ST7L: variants seen among roughly 807,000 people sequenced by gnomAD.
ST7L encodes the protein suppressor of tumorigenicity 7 protein-like.
ST7L carries 57 observed loss-of-function variants against 72.5 expected under a neutral mutation model. The ratio of observed to expected loss-of-function variants is 0.79; its 90% CI spans 0.64 to 0.98. The LOEUF is 0.98. Among genes scored for constraint, ST7L ranks in the 50% least tolerant of loss-of-function variants. The pLI, the probability that ST7L is intolerant of heterozygous loss-of-function variation, is 0.00. For missense variants in ST7L, 576 were observed against 672.2 expected, an observed-to-expected ratio of 0.86 and a Z score of 1.58; for synonymous variants, 221 against 240.9, an observed-to-expected ratio of 0.92 and a Z score of 0.77.
At chr1:112,541,055 C>A (rs761830150) in intron 14 of ST7L, among the ~76,000 whole-genome samples, 3 of 152,074 alleles carry the variant, frequency 2.0e-5, no homozygotes, top group Non-Finnish European at 4.4e-5. Flanking sequence ...GAGGCTGAGG[C>A]GGGCAGATCA....
downstream of ST7L, chr1:112,520,205 T>C (rs559194747): frequency 7.1e-7 from 1 of 1,411,352 alleles, no homozygotes; most frequent in South Asian, 1.2e-5. Flanking sequence ...ATCTTCCTTC[T>C]GAGAATGTGG....
chr1:112,612,703 A>G (rs1669262667), intron 2 of ST7L, among the ~76,000 whole-genome samples: 1 of 152,094 alleles, frequency 6.6e-6, no homozygotes, highest in Non-Finnish European at 1.5e-5. Context: ...ATTACCACCA[A>G]ATGAGGCCAT....
At chr1:112,520,974 CT>C (rs1652839171), downstream of ST7L, 1 of 162,960 alleles carries the variant, frequency 6.1e-6, no homozygotes, top group South Asian at 1.8e-4. Flanking sequence ...GCAGAACTAC[CT>C]GGTACCCCGA....
At chr1:112,556,192 T>C (rs954378055) in intron 11 of ST7L, among the ~76,000 whole-genome samples, 174 bp from the exon 12 acceptor site, 1 of 152,222 alleles carries the variant, frequency 6.6e-6, no homozygotes, top group African/African-American at 2.4e-5. Context: ...AAAATGCTTA[T>C]ATACGCAAAT....
At chr1:112,600,514 T>C (rs1023530016) in intron 4 of ST7L, among the ~76,000 whole-genome samples, 1 of 152,242 alleles carries the variant, frequency 6.6e-6, no homozygotes, top group Admixed American at 6.5e-5. Flanking sequence ...GAGAATTCCT[T>C]GAGCCCAGGA....
intron 3 of ST7L, among the ~76,000 whole-genome samples, chr1:112,610,027 G>T (rs1193285600): frequency 1.3e-5 from 2 of 151,722 alleles, no homozygotes; most frequent in Non-Finnish European, 2.9e-5. Flanking sequence ...AAGATTCCCT[G>T]ATTTGCTGGG....
At chr1:112,550,477 G>A (rs1330871558) in intron 13 of ST7L, 124 bp downstream of exon 13, 2 of 632,280 alleles carry the variant, frequency 3.2e-6, no homozygotes, top group Non-Finnish European at 5.3e-6. Flanking sequence ...CCCAGAAGTG[G>A]CTAAAATAGT....
At chr1:112,589,260 T>C (rs570355636) in intron 6 of ST7L, among the ~76,000 whole-genome samples, 64 of 151,716 alleles carry the variant, frequency 4.2e-4, no homozygotes, top group African/African-American at 1.4e-3. Flanking sequence ...TCTTTTCTTT[T>C]TATTTATTTT....
At chr1:112,549,066 A>C (rs1314159639) in intron 13 of ST7L, among the ~76,000 whole-genome samples, 1 of 151,566 alleles carries the variant, frequency 6.6e-6, no homozygotes, top group Non-Finnish European at 1.5e-5. Context: ...ATTGTATTGA[A>C]TCTATAGATC....
chr1:112,619,540 A>T, upstream of ST7L: 1 of 528,564 alleles, frequency 1.9e-6, no homozygotes, highest in Non-Finnish European at 3.3e-6. Flanking sequence ...ATTTGGTCGG[A>T]TGGAGGCCAG....
intron 11 of ST7L, among the ~76,000 whole-genome samples, chr1:112,568,865 T>TAAATATAAATAA (rs1205660972): frequency 1.2e-4 from 11 of 91,186 alleles, no homozygotes; most frequent in Admixed American, 9.9e-4. Context: ...AATATAAATA[T>TAAATATAAATAA]ATATATATAT....
chr1:112,551,577 G>C (rs192392973), intron 12 of ST7L, among the ~76,000 whole-genome samples: 2 of 152,174 alleles, frequency 1.3e-5, no homozygotes, highest in African/African-American at 4.8e-5. Flanking sequence ...TATTGGCTAA[G>C]GCTGTTTTCA....
At chr1:112,602,025 A>G (rs886207848) in intron 3 of ST7L, among the ~76,000 whole-genome samples, 2 of 149,194 alleles carry the variant, frequency 1.3e-5, no homozygotes, top group African/African-American at 4.9e-5. Context: ...CGGAGGTTGC[A>G]GTGGATGGAG....
chr1:112,583,131 G>T (rs1664379298), intron 7 of ST7L, among the ~76,000 whole-genome samples: 1 of 152,042 alleles, frequency 6.6e-6, no homozygotes, highest in African/African-American at 2.4e-5. Flanking sequence ...TAAAAACTGT[G>T]CATTAATGAA....
chr1:112,617,753 ACACG>A (rs1557716866), intron 1 of ST7L, among the ~76,000 whole-genome samples: 5 of 150,658 alleles, frequency 3.3e-5, no homozygotes, highest in African/African-American at 1.2e-4. Context: ...ACACACACAC[ACACG>A]AAACGTAAAA....
At chr1:112,599,508 T>C (rs1191996894) in intron 4 of ST7L, among the ~76,000 whole-genome samples, 1 of 152,194 alleles carries the variant, frequency 6.6e-6, no homozygotes, top group Non-Finnish European at 1.5e-5. Context: ...AAAAGTAAAG[T>C]ATCTTTGCTC....
At chr1:112,543,570 A>G (rs1244457947) in intron 13 of ST7L, among the ~76,000 whole-genome samples, 1 of 151,896 alleles carries the variant, frequency 6.6e-6, no homozygotes, top group Non-Finnish European at 1.5e-5. Flanking sequence ...TAAATTAATT[A>G]ATAAATAAAG....
intron 9 of ST7L, among the ~76,000 whole-genome samples, chr1:112,579,135 A>G (rs537084828): frequency 1.3e-5 from 2 of 152,336 alleles, no homozygotes; most frequent in African/African-American, 4.8e-5. Flanking sequence ...CTGTAATCCC[A>G]GCACTTTGGG....
At chr1:112,533,313 GTTATT>G (rs891093584) in intron 14 of ST7L, among the ~76,000 whole-genome samples, 1 of 149,074 alleles carries the variant, frequency 6.7e-6, no homozygotes, top group African/African-American at 2.4e-5. Context: ...GCATATGTGC[GTTATT>G]TTATTTTATT....
Sources: allele counts gnomAD v4.1 joint callset (sites outside exome capture counted in the v4.1 genomes callset), GRCh38; gene constraint gnomAD v4.1.1; transcripts MANE v1.5; gene names NCBI Gene and HGNC (gene_info 2026-07-23, HGNC 2026-07-21).